Variants in CRYBG3 observed in about 807,000 individuals in gnomAD.
CRYBG3 encodes very large A-kinase anchor protein.
Under a neutral mutation model 244.2 loss-of-function variants are expected in CRYBG3, and 127 were observed. The observed-to-expected ratio is 0.52, with a 90% CI of 0.45 to 0.60. The LOEUF is 0.60. Among genes scored for constraint, CRYBG3 ranks in the 20% least tolerant of loss-of-function variants. The probability of loss-of-function intolerance (pLI) is 0.00; values close to 1 mark genes in which losing one functional copy is unlikely to be tolerated. For synonymous variants in CRYBG3, 1,132 were observed against 1,195.8 expected, an observed-to-expected ratio of 0.95 and a Z score of 1.10; for missense variants, 3,325 against 3,442.5, an observed-to-expected ratio of 0.97 and a Z score of 0.85.
chr3:97,841,770 G>A (rs1357692444), intron 1 of CRYBG3, among the ~76,000 whole-genome samples: 2 of 152,058 alleles, frequency 1.3e-5, no homozygotes, highest in Non-Finnish European at 2.9e-5. Flanking sequence ...GTAGGACAAA[G>A]GTCAAATTTC....
chr3:97,847,444 C>T (rs2038919947), intron 2 of CRYBG3, among the ~76,000 whole-genome samples: 1 of 152,108 alleles, frequency 6.6e-6, no homozygotes, highest in South Asian at 2.1e-4. Context: ...GACACAACTC[C>T]CACTGATAAT....
intron 17 of CRYBG3, chr3:97,933,192 C>G (rs73140803): frequency 0.042 from 17,749 of 422,296 alleles, 504 homozygotes; most frequent in Non-Finnish European, 0.061. Context: ...AAATCACCAC[C>G]ATTCTTGTGC....
Position 97,875,155 on chromosome 3 carries a change from A to G in CRYBG3, c.3961A>G (p.Arg1321Gly). The part of the protein sequence containing the change: ...EIIYVAQEKL[R>G]NDTFEDTEDT... Reference sequence around the variant, plus strand: ...TATTTATGTAGCCCAAGAAAAATTGAGAAATGATACTTTTGAAGATACTGA... The same window carrying G: ...TATTTATGTAGCCCAAGAAAAATTGGGAAATGATACTTTTGAAGATACTGA... Residue 1321 changes from arginine to glycine, a missense_variant, in exon 4 of 22, where the codon AGA (arginine) becomes GGA (glycine). By Grantham distance (125) the Arg-to-Gly change is moderately radical. Coordinates refer to ENST00000389622, the MANE Select transcript of CRYBG3 (RefSeq NM_153605.4). 2 of 1,535,340 alleles carry G rather than the reference A, an allele frequency of 1.3e-6. No individual in the cohort carries two copies. The highest frequency in any genetic ancestry group is 1.7e-6 in the Non-Finnish European group (2 of 1,146,426).
intron 1 of CRYBG3, among the ~76,000 whole-genome samples, chr3:97,836,558 A>G (rs561631711): frequency 1.3e-5 from 2 of 152,196 alleles, no homozygotes; most frequent in East Asian, 3.9e-4. Flanking sequence ...TTTAATCCAT[A>G]ATGTATCTGC....
chr3:97,889,988 T>C (rs895826797), intron 10 of CRYBG3, among the ~76,000 whole-genome samples: 5 of 152,150 alleles, frequency 3.3e-5, no homozygotes, highest in African/African-American at 1.2e-4. Flanking sequence ...CAAACAGGCC[T>C]GCTTGTAATT....
chr3:97,860,884 A>G (rs913899696), intron 2 of CRYBG3, among the ~76,000 whole-genome samples: 5 of 151,862 alleles, frequency 3.3e-5, no homozygotes, highest in African/African-American at 7.3e-5. Flanking sequence ...TTGCCAAACT[A>G]CATTCTTAAA....
intron 7 of CRYBG3, among the ~76,000 whole-genome samples, chr3:97,882,205 CTAA>C (rs5851083): frequency 0.75 from 112,764 of 149,398 alleles, 43,149 homozygotes; most frequent in East Asian, 0.85. Context: ...AAGACTCTGT[CTAA>C]TAATAATAAT....
At chr3:97,923,158 G>A (rs2040001400) in intron 17 of CRYBG3, among the ~76,000 whole-genome samples, 2 of 151,962 alleles carry the variant, frequency 1.3e-5, no homozygotes, top group Admixed American at 1.3e-4. Context: ...TGGACACAGG[G>A]CAGGGAACAT....
chr3:97,877,086 A>C lies in CRYBG3; in HGVS notation c.5892A>C (p.Arg1964Ser). 6.2e-7 allele frequency: 1 copy of C among 1,611,550 alleles called. No individual in the cohort carries two copies. Among genetic ancestry groups the C allele is most frequent in the Admixed American group, 1.7e-5 (1 of 59,762 alleles). ...PGDTTVRLDK[R>S]MSLTAIYDKR... ...ATACCACAGTAAGACTAGACAAAAG[A>C]ATGTCTCTTACTGCAATATATGACA... Residue 1964 changes from arginine (R) to serine (S), a missense_variant, in exon 4 of 22, where the codon AGA (arginine) becomes AGC (serine). Physicochemically the swap from Arg to Ser is moderately radical, Grantham distance 110. Transcript: ENST00000389622.
intron 10 of CRYBG3, among the ~76,000 whole-genome samples, chr3:97,890,960 G>A (rs992968207): frequency 3.9e-5 from 6 of 152,064 alleles, no homozygotes; most frequent in African/African-American, 1.2e-4. Context: ...AATATGTATT[G>A]CATCCCCTCA....
chr3:97,934,297 T>G (rs369740952), intron 18 of CRYBG3, among the ~76,000 whole-genome samples: 1 of 152,100 alleles, frequency 6.6e-6, no homozygotes, highest in African/African-American at 2.4e-5. Context: ...AAAGCTGCCT[T>G]TAAGAAAAAA....
At chr3:97,932,930 A>T (rs9844662) in intron 17 of CRYBG3, among the ~76,000 whole-genome samples, 69,961 of 151,926 alleles carry the variant, frequency 0.46, 16,909 homozygotes, top group East Asian at 0.67. Flanking sequence ...TCTGCTAAAA[A>T]TAATCTAGCT....
chr3:97,874,089 T>C lies in CRYBG3; in HGVS notation c.2895T>C (p.Cys965=), dbSNP rs1269330724. The C allele has an allele frequency of 2.6e-6, 4 of 1,535,892 alleles. No individual in the cohort carries two copies. The Admixed American group carries it at 5.9e-5, about 23-fold the overall frequency. The part of the protein sequence containing the change: ...QMAQNCEAHT[C]VFHQSLDICG... ...CGCAGAATTGTGAAGCTCACACTTG[T>C]GTGTTTCATCAATCTTTGGATATTT... Residue 965 remains cysteine, a synonymous_variant, in exon 4 of 22, where the codon TGT becomes TGC. Transcript: ENST00000389622.
At chr3:97,840,493 C>G (rs1576513138) in intron 1 of CRYBG3, among the ~76,000 whole-genome samples, 1 of 152,004 alleles carries the variant, frequency 6.6e-6, no homozygotes, top group East Asian at 1.9e-4. Context: ...TTGCTCAGTA[C>G]TTAATGTGCT....
At chr3:97,941,685 T>C (rs2040234102) in intron 20 of CRYBG3, 1 of 155,390 alleles carries the variant, frequency 6.4e-6, no homozygotes, top group Admixed American at 6.5e-5. Context: ...AAACCTTTCA[T>C]TTTCAAAGTA....
At chr3:97,904,596 A>G (rs2039743454) in intron 15 of CRYBG3, among the ~76,000 whole-genome samples, 1 of 152,120 alleles carries the variant, frequency 6.6e-6, no homozygotes, top group South Asian at 2.1e-4. Flanking sequence ...TATACAACTA[A>G]TAAACAAACT....
intron 2 of CRYBG3, among the ~76,000 whole-genome samples, chr3:97,850,074 A>T (rs1384831623): frequency 1.3e-5 from 2 of 152,134 alleles, no homozygotes; most frequent in African/African-American, 4.8e-5. Context: ...CTGAGTATAA[A>T]GTTTGACATA....
intron 15 of CRYBG3, among the ~76,000 whole-genome samples, chr3:97,902,322 A>G (rs1246180512): frequency 1.3e-5 from 2 of 152,172 alleles, no homozygotes; most frequent in Non-Finnish European, 2.9e-5. Flanking sequence ...AATATACATT[A>G]TGAGTGTTAT....
chr3:97,830,639 TTTCTC>T (rs1310215350), intron 1 of CRYBG3, among the ~76,000 whole-genome samples: 5 of 152,224 alleles, frequency 3.3e-5, no homozygotes, highest in African/African-American at 1.2e-4. Context: ...TCTGAAGACA[TTTCTC>T]TATTAGTCTT....
Sources: gnomAD v4.1 joint callset for allele counts (sites outside exome capture counted in the v4.1 genomes callset) on GRCh38, gnomAD v4.1.1 for gene constraint, MANE v1.5 for transcripts, NCBI Gene and HGNC (gene_info 2026-07-23, HGNC 2026-07-21) for gene names.